The following PAM variants were observed in gnomAD, a reference collection of about 807,000 sequenced individuals.
PAM encodes peptidylglycine alpha-amidating monooxygenase.
Under a neutral mutation model 122.1 loss-of-function variants are expected in PAM, and 72 were observed. That is an observed-to-expected ratio of 0.59 (90% CI 0.49 to 0.72). The LOEUF (loss-of-function observed/expected upper bound fraction) is 0.72, where lower values mean the gene tolerates loss of function less well. PAM is among the 30% of genes least tolerant of loss of function. PAM has a pLI of 0.00. For synonymous variants in PAM, 389 were observed against 404.4 expected, an observed-to-expected ratio of 0.96 and a Z score of 0.46; for missense variants, 1,106 against 1,183.7, an observed-to-expected ratio of 0.93 and a Z score of 0.96.
At chr5:102,927,225 T>G (rs1749875287) in intron 7 of PAM, among the ~76,000 whole-genome samples, 1 of 152,210 alleles carries the variant, frequency 6.6e-6, no homozygotes, top group South Asian at 2.1e-4. Flanking sequence ...GCTCTACCAG[T>G]GATCGCTATG....
rs150263375 is a variant in PAM at position 102,786,445 on chromosome 5, T to C, written c.-374+31097T>C. ...GCTCTTATTAATATCAATTTTTTAT[T>C]CTCTACTTAGTCTTATTTTCTAAAT... On this transcript the variant is annotated intron_variant, in intron 1 of 25. Transcript: ENST00000438793. Among the ~76,000 whole-genome samples, 13 of 152,330 alleles carry C rather than the reference T, an allele frequency of 8.5e-5. No homozygotes were observed. The East Asian group carries it at 2.5e-3, about 29-fold the overall frequency.
intron 3 of PAM, among the ~76,000 whole-genome samples, chr5:102,872,215 T>G (rs932088701): frequency 2.0e-5 from 3 of 152,190 alleles, no homozygotes; most frequent in Non-Finnish European, 4.4e-5. Context: ...GAAAGCAGCC[T>G]ATCCCTGTGT....
Position 103,028,993 on chromosome 5 carries a change from A to T in PAM, c.2850A>T (p.Lys950Asn). 6.2e-7 allele frequency: 1 copy of T among 1,613,830 alleles called. No homozygotes were observed. Among genetic ancestry groups the T allele is most frequent in the Non-Finnish European group, 8.5e-7 (1 of 1,179,808 alleles). The change falls in exon 26 of 26, where the codon AAA (lysine) becomes AAT (asparagine). Residue 950 changes from lysine to asparagine, a missense_variant. Physicochemically the swap from Lys to Asn is moderately conservative, Grantham distance 94. Transcript: ENST00000438793. ...GCACTGAGGGCAGTGACCAAGAGAA[A>T]GAGGATGATGGAAGTGAATCAGAAG... Reference protein sequence around the residue: ...RLSTEGSDQEKEDDGSESEEE... With the variant: ...RLSTEGSDQENEDDGSESEEE...
chr5:102,837,326 C>G (rs1411841282), intron 1 of PAM, among the ~76,000 whole-genome samples: 3 of 152,152 alleles, frequency 2.0e-5, no homozygotes, highest in Admixed American at 6.6e-5. Flanking sequence ...CTGTCCCCTT[C>G]CAAAATGCCA....
At chr5:102,837,255 A>G (rs1053377012) in intron 1 of PAM, among the ~76,000 whole-genome samples, 2 of 152,196 alleles carry the variant, frequency 1.3e-5, no homozygotes, top group African/African-American at 4.8e-5. Flanking sequence ...TTCGTACCAC[A>G]CAACATGTTT....
chr5:102,948,352 T>C (rs757691749), intron 8 of PAM, 26 bp from the exon 9 acceptor site: 24 of 1,385,776 alleles, frequency 1.7e-5, no homozygotes, highest in African/African-American at 2.9e-5. Context: ...TCAGGTATTT[T>C]AGAAAAATGT....
chr5:102,957,944 C>A (rs981193061), intron 12 of PAM, among the ~76,000 whole-genome samples: 1 of 152,106 alleles, frequency 6.6e-6, no homozygotes, highest in African/African-American at 2.4e-5. Flanking sequence ...TCTAGAATTC[C>A]CTCTCTAAGT....
At chr5:102,767,736 A>G (rs1042341712) in intron 1 of PAM, among the ~76,000 whole-genome samples, 1 of 152,140 alleles carries the variant, frequency 6.6e-6, no homozygotes, top group Non-Finnish European at 1.5e-5. Context: ...CAAGATTTTC[A>G]CTAAACGAAA....
chr5:102,896,805 T>A (rs935404220), intron 3 of PAM, among the ~76,000 whole-genome samples: 1 of 151,708 alleles, frequency 6.6e-6, no homozygotes, highest in Non-Finnish European at 1.5e-5. Context: ...TTATCTGTTA[T>A]TAAGTGTCTT....
intron 15 of PAM, among the ~76,000 whole-genome samples, chr5:102,982,956 C>A (rs997585246): frequency 6.6e-6 from 1 of 151,682 alleles, no homozygotes; most frequent in African/African-American, 2.4e-5. Flanking sequence ...CACAGATAAA[C>A]AATACAAATA....
intron 1 of PAM, among the ~76,000 whole-genome samples, chr5:102,853,293 A>G (rs1341632207): frequency 1.3e-5 from 2 of 152,278 alleles, no homozygotes; most frequent in Admixed American, 6.5e-5. Flanking sequence ...TTGAGGTTTT[A>G]GTTATATTTT....
intron 18 of PAM, 51 bp downstream of exon 18, chr5:103,005,277 T>C: frequency 1.1e-6 from 1 of 912,448 alleles, no homozygotes; most frequent in Non-Finnish European, 1.8e-6. Context: ...GAGTTATGCT[T>C]TTGAAGAGCT....
chr5:102,926,569 T>C lies in PAM; in HGVS notation c.443-16T>C. ...ATGCTCATTTCTAATATATTAACTT[T>C]TTTGTAAATCTTTAGGTGTTGGATT... On this transcript the variant is annotated splice_polypyrimidine_tract_variant and intron_variant, in intron 6 of 25. Coordinates refer to ENST00000438793, the MANE Select transcript of PAM (RefSeq NM_001177306.2). 6.7e-7 allele frequency: 1 copy of C among 1,488,568 alleles called. No individual in the cohort carries two copies. The highest frequency in any genetic ancestry group is 9.4e-7 in the Non-Finnish European group (1 of 1,066,982). The allele number at this position is 1,488,568 out of a possible 1,614,324, so 92.2% of individuals were successfully genotyped here.
intron 1 of PAM, among the ~76,000 whole-genome samples, chr5:102,819,909 A>G (rs1281617590): frequency 6.6e-6 from 1 of 152,190 alleles, no homozygotes; most frequent in African/African-American, 2.4e-5. Flanking sequence ...CATCAGCGCC[A>G]TCTGCCTTCA....
chr5:103,009,999 GA>G (rs1299026719), intron 21 of PAM, 133 bp downstream of exon 21: 9 of 374,010 alleles, frequency 2.4e-5, no homozygotes, highest in Admixed American at 4.3e-5. Context: ...TAGCAAGGTT[GA>G]TGGGAGTGTT....
At chr5:102,954,970 A>G (rs565971329) in intron 12 of PAM, among the ~76,000 whole-genome samples, 12 of 152,280 alleles carry the variant, frequency 7.9e-5, no homozygotes, top group African/African-American at 2.4e-4. Context: ...ATAAAGTTAC[A>G]TGATAAATAA....
intron 1 of PAM, among the ~76,000 whole-genome samples, chr5:102,863,658 AAT>A (rs1784748602): frequency 6.7e-6 from 1 of 149,946 alleles, no homozygotes; most frequent in Non-Finnish European, 1.5e-5. Context: ...TGAGTGAAGG[AAT>A]TATCTCAATG....
At chr5:103,010,542 G>A (rs1239910284) in intron 21 of PAM, among the ~76,000 whole-genome samples, 1 of 152,150 alleles carries the variant, frequency 6.6e-6, no homozygotes, top group Non-Finnish European at 1.5e-5. Context: ...GTATGAATGT[G>A]CTTGGAGTAT....
chr5:102,955,797 T>G (rs1760509068), intron 12 of PAM, among the ~76,000 whole-genome samples: 1 of 151,996 alleles, frequency 6.6e-6, no homozygotes. Flanking sequence ...TTGAATTGCA[T>G]ATGTTGATCT....
Sources: allele counts gnomAD v4.1 joint callset (sites outside exome capture counted in the v4.1 genomes callset), GRCh38; gene constraint gnomAD v4.1.1; transcripts MANE v1.5; gene names NCBI Gene and HGNC (gene_info 2026-07-23, HGNC 2026-07-21).